CIT: variants seen among roughly 807,000 people sequenced by gnomAD.
CIT encodes the protein citron rho-interacting serine/threonine kinase.
Under a neutral mutation model 272.7 loss-of-function variants are expected in CIT, and 79 were observed. That is an observed-to-expected ratio of 0.29 (90% confidence interval 0.24 to 0.35). CIT has a LOEUF of 0.35. Among genes scored for constraint, CIT ranks in the 10% least tolerant of loss-of-function variants. CIT has a pLI of 1.00. For synonymous variants in CIT, 948 were observed against 995.6 expected, an observed-to-expected ratio of 0.95 and a Z score of 0.90; for missense variants, 1,909 against 2,618.3, an observed-to-expected ratio of 0.73 and a Z score of 5.91.
chr12:119,868,874 C>T (rs1462226828), intron 3 of CIT, among the ~76,000 whole-genome samples, 186 bp downstream of exon 3: 1 of 152,132 alleles, frequency 6.6e-6, no homozygotes, highest in Non-Finnish European at 1.5e-5. Context: ...TCGCTTGCAA[C>T]CAAGAAGCCC....
chr12:119,711,971 A>G (rs1311103787), intron 37 of CIT, among the ~76,000 whole-genome samples: 1 of 151,986 alleles, frequency 6.6e-6, no homozygotes, highest in African/African-American at 2.4e-5. Flanking sequence ...CACATTCTAA[A>G]TGGATCATGA....
chr12:119,803,362 T>G lies in CIT; in HGVS notation c.1139A>C (p.Lys380Thr), dbSNP rs748701924. The G allele has an allele frequency of 6.3e-7, 1 of 1,587,282 alleles. No individual in the cohort carries two copies. The highest frequency in any genetic ancestry group is 1.1e-5 in the South Asian group (1 of 87,528). The stretch of plus-strand genomic sequence containing the variant: ...AAAATTGGAGGTGTCATCGTCAGAC[T>G]TGAGGGTGGGAACGAAGGGGGGAGG... ...NSPPPFVPTLKSDDDTSNFDE... is the reference protein window; with the variant it reads ...NSPPPFVPTLTSDDDTSNFDE... Residue 380 changes from lysine (K) to threonine (T), a missense_variant, in exon 10 of 48, where the codon AAG becomes ACG. Physicochemically the swap from Lys to Thr is moderately conservative, Grantham distance 78. Transcript: ENST00000392521.
rs1271159060 is a variant in CIT, at chr12:119,825,276, C to A, written c.846G>T (p.Leu282=). 6.2e-7 allele frequency: 1 copy of A among 1,614,170 alleles called. No individual in the cohort carries two copies. The highest frequency in any genetic ancestry group is 1.1e-5 in the South Asian group (1 of 91,082). ...MNGDGKGTYG[L]DCDWWSVGVI... ...CGCCCACTGACCACCAGTCACAGTC[C>A]AGGCCGTAGGTGCCTTTTCCATCCC... Residue 282 remains leucine, a synonymous_variant, in exon 8 of 48, where the codon CTG becomes CTT. Coordinates refer to ENST00000392521, the MANE Select transcript of CIT (RefSeq NM_001206999.2).
rs369299052 is a variant in CIT, at chr12:119,823,068, C to CTT, written c.958-97_958-96dup. ...AAGTATTTCTCATATATGCAAGTTT[C>CTT]TTTTTTTTTGTTTTTTAGAGAAGGA... is the stretch of plus-strand genomic sequence containing the variant. On this transcript the variant is annotated intron_variant, in intron 8 of 47. Transcript: ENST00000392521. 0.014 allele frequency: 17,698 copies of CTT among 1,306,856 alleles called. 98 individuals carry two copies. The highest frequency in any genetic ancestry group is 0.015 in the Non-Finnish European group (14,817 of 966,628). The allele number at this position is 1,306,856 out of a possible 1,614,324, so 81.0% of individuals were successfully genotyped here. A position where few individuals can be genotyped will look rare whatever the true frequency, so the allele number is the denominator to read the frequency against.
intron 9 of CIT, among the ~76,000 whole-genome samples, chr12:119,809,910 G>A (rs1031779443): frequency 1.3e-5 from 2 of 152,348 alleles, no homozygotes; most frequent in South Asian, 2.1e-4. Flanking sequence ...GAGAGCTTCC[G>A]GATAGCTGAA....
intron 10 of CIT, among the ~76,000 whole-genome samples, chr12:119,792,539 G>A (rs1256859035): frequency 6.6e-6 from 1 of 151,940 alleles, no homozygotes; most frequent in African/African-American, 2.4e-5. Flanking sequence ...GTGCGATCTC[G>A]GCTCACTGCA....
chr12:119,756,377 G>A (rs1326952839), intron 22 of CIT, among the ~76,000 whole-genome samples: 1 of 152,216 alleles, frequency 6.6e-6, no homozygotes, highest in Non-Finnish European at 1.5e-5. Context: ...CAAGGGCCCA[G>A]TTACAAAGTT....
chr12:119,799,227 A>G (rs931914399), intron 10 of CIT, among the ~76,000 whole-genome samples: 1 of 152,222 alleles, frequency 6.6e-6, no homozygotes, highest in Non-Finnish European at 1.5e-5. Context: ...GACACTATAC[A>G]TACATGGACT....
chr12:119,700,724 C>A, intron 44 of CIT, 21 bp downstream of exon 44: 2 of 1,601,344 alleles, frequency 1.2e-6, no homozygotes, highest in Non-Finnish European at 1.7e-6. Flanking sequence ...AAGAGAAGCC[C>A]CCACACTGAG....
intron 23 of CIT, 21 bp downstream of exon 23, chr12:119,752,029 G>A: frequency 5.0e-6 from 8 of 1,597,990 alleles, no homozygotes; most frequent in Non-Finnish European, 6.8e-6. Flanking sequence ...GCAACCTGAA[G>A]ATGTTGCTCC....
At chr12:119,761,172 G>T (rs1961746372) in intron 19 of CIT, 117 bp from the exon 20 acceptor site, 1 of 800,444 alleles carries the variant, frequency 1.2e-6, no homozygotes, top group Admixed American at 2.1e-5. Flanking sequence ...GAGGCCCGAG[G>T]TCTCCAAATT....
chr12:119,790,618 G>A (rs1432556753), intron 10 of CIT, among the ~76,000 whole-genome samples: 1 of 152,170 alleles, frequency 6.6e-6, no homozygotes, highest in Non-Finnish European at 1.5e-5. Flanking sequence ...AGACAGAGAA[G>A]AGAATATAAA....
At chr12:119,848,804 T>C (rs1970004674) in intron 5 of CIT, among the ~76,000 whole-genome samples, 1 of 152,014 alleles carries the variant, frequency 6.6e-6, no homozygotes, top group Non-Finnish European at 1.5e-5. Context: ...GGCAGGAAGA[T>C]CTCTTGAGCT....
chr12:119,730,628 G>A lies in CIT; in HGVS notation c.3353C>T (p.Ala1118Val), dbSNP rs116965587. ...RMLDTEKQSR[A>V]RADQRITESR... ...CTCGGTGATCCGCTGATCGGCTCTC[G>A]CCCTGCCAGAAAGACACAGGTCAGC... is the stretch of plus-strand genomic sequence containing the variant. Residue 1118 changes from alanine to valine, a missense_variant and splice_region_variant, in exon 27 of 48, where the codon GCG becomes GTG. Ala to Val is a moderately conservative substitution (Grantham distance 64). Around this residue, in one of 8 missense-constraint regions of CIT, gnomAD observed 530 missense variants for 822.4 expected, o/e 0.64. Coordinates refer to ENST00000392521, the MANE Select transcript of CIT (RefSeq NM_001206999.2). 618 of 1,613,096 alleles carry A rather than the reference G, an allele frequency of 3.8e-4. No homozygotes were observed. The highest frequency in any genetic ancestry group is 5.0e-4 in the Non-Finnish European group (590 of 1,179,530).
At position 119,713,075 on chromosome 12, in the gene CIT, G is replaced by C. The variant is rs922502245; in HGVS notation, c.4579+128C>G. 7 of 732,314 alleles carry C rather than the reference G, an allele frequency of 9.6e-6. No individual in the cohort carries two copies. The highest frequency in any genetic ancestry group is 1.4e-5 in the Non-Finnish European group (6 of 422,478). 45.4% of individuals were successfully genotyped at this position (732,314 alleles called of 1,614,324 possible). ...AACCTTTAGAGAAGTCATTTGGTTTGTAAGTTTCAAAAATGGAAAAGCGTA... is the reference window on the plus strand; with the variant it reads ...AACCTTTAGAGAAGTCATTTGGTTTCTAAGTTTCAAAAATGGAAAAGCGTA... On this transcript the variant is annotated intron_variant, in intron 35 of 47. Transcript: ENST00000392521. This position sits in a 1 kb window ranked among gnomAD's most constrained non-coding sequence, Gnocchi z 5.2.
intron 23 of CIT, among the ~76,000 whole-genome samples, chr12:119,746,359 G>A (rs558170273): frequency 9.0e-4 from 137 of 152,300 alleles, no homozygotes; most frequent in African/African-American, 3.0e-3. Flanking sequence ...TGTTTCTAAT[G>A]TGTTCTAATA....
At chr12:119,787,965 T>C (rs1455280101) in intron 10 of CIT, among the ~76,000 whole-genome samples, 1 of 152,164 alleles carries the variant, frequency 6.6e-6, no homozygotes, top group East Asian at 1.9e-4. Context: ...GTTACTACTG[T>C]CATTGTTGTG....
At chr12:119,845,943 AACACACACACAC>A (rs58381184) in intron 5 of CIT, among the ~76,000 whole-genome samples, 55 of 137,050 alleles carry the variant, frequency 4.0e-4, no homozygotes, top group Admixed American at 1.0e-3. Flanking sequence ...TCCATCTCAA[AACACACACACAC>A]ACACACACAC....
At chr12:119,860,941 T>C (rs1016790617) in intron 3 of CIT, among the ~76,000 whole-genome samples, 6 of 146,768 alleles carry the variant, frequency 4.1e-5, no homozygotes, top group African/African-American at 7.6e-5. Flanking sequence ...GCCAACATGG[T>C]GAAACCCCAT....
Sources: allele counts gnomAD v4.1 joint callset (sites outside exome capture counted in the v4.1 genomes callset), GRCh38; gene constraint gnomAD v4.1.1; regional missense constraint gnomAD v4.1.1; non-coding constraint Gnocchi (gnomAD v3.1); transcripts MANE v1.5; gene names NCBI Gene and HGNC (gene_info 2026-07-23, HGNC 2026-07-21).